GKAP1: variants seen among roughly 807,000 people sequenced by gnomAD.
GKAP1 encodes G kinase-anchoring protein 1.
A neutral mutation model predicts 56.7 loss-of-function variants in GKAP1; 31 were observed. The observed-to-expected ratio is 0.55, with a 90% CI of 0.41 to 0.74. The LOEUF is 0.74. Ranked by LOEUF, GKAP1 falls within the 30% of genes least tolerant of loss-of-function variation. GKAP1 has a pLI of 0.00. For missense variants in GKAP1, 364 were observed against 402.3 expected, an observed-to-expected ratio of 0.90 and a Z score of 0.82; for synonymous variants, 151 against 138.6, an observed-to-expected ratio of 1.09 and a Z score of -0.63.
chr9:83,756,486 A>AG (rs1470453836), intron 8 of GKAP1, among the ~76,000 whole-genome samples: 3 of 146,950 alleles, frequency 2.0e-5, no homozygotes, highest in African/African-American at 7.4e-5. Context: ...AAAAAAAAAA[A>AG]AAAAAAGAAA....
intron 3 of GKAP1, among the ~76,000 whole-genome samples, chr9:83,804,995 G>A (rs1421048908): frequency 1.9e-4 from 29 of 152,280 alleles, no homozygotes; most frequent in East Asian, 1.2e-3. Flanking sequence ...AGAACGGGCC[G>A]GGATGACAAT....
intron 12 of GKAP1, among the ~76,000 whole-genome samples, chr9:83,740,324 AG>A (rs1943185324): frequency 6.6e-6 from 1 of 152,204 alleles, no homozygotes; most frequent in Non-Finnish European, 1.5e-5. Flanking sequence ...AGCAAAGGAA[AG>A]GCAGCATAAA....
At chr9:83,784,608 T>C (rs1944032923) in intron 6 of GKAP1, 107 bp downstream of exon 6, 12 of 815,936 alleles carry the variant, frequency 1.5e-5, no homozygotes, top group Non-Finnish European at 2.2e-5. Flanking sequence ...ACATGATACA[T>C]GAATAACTTT....
chr9:83,776,016 C>T (rs917460588), intron 7 of GKAP1, among the ~76,000 whole-genome samples: 1 of 151,852 alleles, frequency 6.6e-6, no homozygotes, highest in African/African-American at 2.4e-5. Flanking sequence ...CATGTGATCT[C>T]GCCTGAAGTG....
intron 3 of GKAP1, among the ~76,000 whole-genome samples, chr9:83,804,173 C>T (rs1479960327): frequency 1.4e-5 from 2 of 143,196 alleles, no homozygotes; most frequent in South Asian, 2.3e-4. Flanking sequence ...AGGTGAGGGG[C>T]GCCTCTGCCC....
intron 9 of GKAP1, among the ~76,000 whole-genome samples, chr9:83,751,315 T>C (rs1195411873): frequency 2.0e-5 from 3 of 152,238 alleles, no homozygotes; most frequent in South Asian, 4.1e-4. Context: ...TTCTATGAGA[T>C]CTTTACCAAT....
intron 8 of GKAP1, among the ~76,000 whole-genome samples, chr9:83,760,162 G>T (rs1201777565): frequency 3.3e-5 from 5 of 152,022 alleles, no homozygotes; most frequent in African/African-American, 1.2e-4. Flanking sequence ...TTTCACCCAT[G>T]AAGACGTAAA....
intron 9 of GKAP1, among the ~76,000 whole-genome samples, chr9:83,749,370 G>A (rs1564188878): frequency 6.6e-6 from 1 of 151,970 alleles, no homozygotes; most frequent in South Asian, 2.1e-4. Context: ...GGTACTACAG[G>A]TGTGTGCCAC....
At chr9:83,759,710 T>G (rs1943537026) in intron 8 of GKAP1, among the ~76,000 whole-genome samples, 1 of 152,180 alleles carries the variant, frequency 6.6e-6, no homozygotes, top group Admixed American at 6.5e-5. Context: ...AATGCCAAAT[T>G]GTTTTTCAAA....
At chr9:83,796,393 T>C (rs527700998) in intron 4 of GKAP1, among the ~76,000 whole-genome samples, 2 of 152,226 alleles carry the variant, frequency 1.3e-5, no homozygotes, top group Admixed American at 6.5e-5. Context: ...CTTTCTTTAG[T>C]AGATACTCTG....
intron 10 of GKAP1, among the ~76,000 whole-genome samples, 177 bp from the exon 11 acceptor site, chr9:83,742,777 T>A (rs1943230085): frequency 6.6e-6 from 1 of 152,246 alleles, no homozygotes; most frequent in Non-Finnish European, 1.5e-5. Flanking sequence ...TCTTTTTTGT[T>A]TGTTTGTTTT....
chr9:83,784,025 G>A (rs569575730), intron 6 of GKAP1, among the ~76,000 whole-genome samples: 2 of 149,808 alleles, frequency 1.3e-5, no homozygotes, highest in Non-Finnish European at 3.0e-5. Context: ...AGCAGTTTGG[G>A]AGGCCAAGGC....
At chr9:83,758,965 C>G (rs1321583978) in intron 8 of GKAP1, among the ~76,000 whole-genome samples, 3 of 152,054 alleles carry the variant, frequency 2.0e-5, no homozygotes, top group African/African-American at 7.2e-5. Context: ...CCTCTTTTCT[C>G]TCCTTTACAC....
At chr9:83,780,539 T>C (rs986846512) in intron 6 of GKAP1, 135 bp from the exon 7 acceptor site, 2 of 498,384 alleles carry the variant, frequency 4.0e-6, no homozygotes, top group African/African-American at 2.0e-5. Flanking sequence ...CATTTAAGAG[T>C]TTTCTAGGAT....
intron 3 of GKAP1, among the ~76,000 whole-genome samples, chr9:83,806,074 C>A (rs1944435026): frequency 6.6e-6 from 1 of 151,990 alleles, no homozygotes; most frequent in South Asian, 2.1e-4. Context: ...CTGTGATCAT[C>A]CCACTGCACT....
Position 83,817,709 on chromosome 9 carries a change from G to C in GKAP1, c.-368C>G, listed in dbSNP as rs1313998442. ...GCTGGGCACTAACGGGTCCCGGGGCGCCGGGGCGGACCGCGGAGGTGAGCG... is the reference window on the plus strand; with the variant it reads ...GCTGGGCACTAACGGGTCCCGGGGCCCCGGGGCGGACCGCGGAGGTGAGCG... On this transcript the variant is annotated 5_prime_UTR_variant, in exon 1 of 13. Coordinates refer to ENST00000376371, the MANE Select transcript of GKAP1 (RefSeq NM_025211.4). The C allele has an allele frequency of 6.6e-6, 1 of 152,258 alleles. No homozygotes were observed. The highest frequency in any genetic ancestry group is 1.5e-5 in the Non-Finnish European group (1 of 68,466). The allele number at this position is 152,258 out of a possible 1,614,324, so 9.4% of individuals were successfully genotyped here. A position where few individuals can be genotyped will look rare whatever the true frequency, so the allele number is the denominator to read the frequency against.
intron 6 of GKAP1, among the ~76,000 whole-genome samples, chr9:83,781,990 C>T (rs562864343): frequency 7.3e-5 from 11 of 151,410 alleles, no homozygotes; most frequent in African/African-American, 2.2e-4. Context: ...ACTACAGGCG[C>T]GTGCCACCAT....
intron 2 of GKAP1, among the ~76,000 whole-genome samples, chr9:83,814,762 G>A (rs1411808641): frequency 1.3e-5 from 2 of 152,208 alleles, no homozygotes; most frequent in African/African-American, 2.4e-5. Context: ...TTCCCATAAC[G>A]CAGATGTGCA....
intron 3 of GKAP1, among the ~76,000 whole-genome samples, chr9:83,803,695 C>T (rs1036029206): frequency 1.3e-5 from 2 of 151,516 alleles, no homozygotes; most frequent in Admixed American, 6.6e-5. Context: ...AAGTGAGGAG[C>T]GTCTCTGCCT....
Sources: gnomAD v4.1 joint callset for allele counts (sites outside exome capture counted in the v4.1 genomes callset) on GRCh38, gnomAD v4.1.1 for gene constraint, MANE v1.5 for transcripts, NCBI Gene and HGNC (gene_info 2026-07-23, HGNC 2026-07-21) for gene names.